PAH: variants seen among roughly 807,000 people sequenced by gnomAD.
PAH encodes phenylalanine-4-hydroxylase.
Under a neutral mutation model 62.0 loss-of-function variants are expected in PAH, and 64 were observed. The observed-to-expected ratio is 1.03, with a 90% CI of 0.84 to 1.27. The LOEUF is 1.27. PAH is among the 50% of genes most tolerant of loss of function. The pLI is 0.00. For missense variants in PAH, 579 were observed against 542.8 expected, an observed-to-expected ratio of 1.07 and a Z score of -0.66; for synonymous variants, 195 against 196.2, an observed-to-expected ratio of 0.99 and a Z score of 0.05.
rs894785612 is a variant in PAH at position 102,837,465 on chromosome 12, G to GA, written c.*1709dup. On this transcript the variant is annotated 3_prime_UTR_variant, in exon 13 of 13. Transcript: ENST00000553106. ...GTTTGGTGTTTAGAGTAAAAGCAGA[G>GA]AAAAAAGTCCTTTTTCACTTTTAAA... The GA allele has an allele frequency of 6.6e-6, 1 of 152,130 alleles. No homozygotes were observed. Among genetic ancestry groups the GA allele is most frequent in the Non-Finnish European group, 1.5e-5 (1 of 67,992 alleles). 9.4% of individuals were successfully genotyped at this position (152,130 alleles called of 1,614,324 possible). A position where few individuals can be genotyped will look rare whatever the true frequency, so the allele number is the denominator to read the frequency against.
chr12:102,871,922 CAAAAAAAAAAAA>C lies in PAH; in HGVS notation c.442-5271_442-5260del, dbSNP rs1168829038. On this transcript the variant is annotated intron_variant, in intron 4 of 12. Coordinates refer to ENST00000553106, the MANE Select transcript of PAH (RefSeq NM_000277.3). ...GGGTGACAAGAGCAAAACTCTGCCT[CAAAAAAAAAAAA>C]AAAAAAAAAAAAAAAATATATATAT... Among the ~76,000 whole-genome samples the C allele has an allele frequency of 2.1e-4, 24 of 115,474 alleles. 1 individual carries two copies. Among genetic ancestry groups the C allele is most frequent in the African/African-American group, 7.1e-4 (19 of 26,872 alleles). The allele number at this position is 115,474 out of a possible 152,430, so 75.8% of individuals were successfully genotyped here.
chr12:102,895,275 A>C (rs1280459844), intron 2 of PAH, among the ~76,000 whole-genome samples: 1 of 152,270 alleles, frequency 6.6e-6, no homozygotes, highest in South Asian at 2.1e-4. Context: ...TCCAAACGAA[A>C]TTCTATGGAA....
At chr12:102,948,147 C>T (rs2136772207) in intron 1 of PAH, among the ~76,000 whole-genome samples, 1 of 152,296 alleles carries the variant, frequency 6.6e-6, no homozygotes, top group African/African-American at 2.4e-5. Flanking sequence ...GTCACAAGGT[C>T]AGAGAGTGTA....
chr12:102,842,525 A>T (rs751741311), intron 11 of PAH, among the ~76,000 whole-genome samples: 19 of 152,130 alleles, frequency 1.2e-4, no homozygotes, highest in Admixed American at 5.9e-4. Context: ...TGTTAGCTGG[A>T]CCTGTCTTGT....
chr12:102,902,660 T>A (rs1338805608), intron 2 of PAH, among the ~76,000 whole-genome samples: 1 of 152,112 alleles, frequency 6.6e-6, no homozygotes, highest in Admixed American at 6.5e-5. Context: ...AAACCAGAAA[T>A]ATTCAAGAAA....
intron 9 of PAH, among the ~76,000 whole-genome samples, chr12:102,846,037 A>C (rs1384244592): frequency 6.6e-6 from 1 of 152,046 alleles, no homozygotes; most frequent in Non-Finnish European, 1.5e-5. Flanking sequence ...GCATTTAAAA[A>C]CCCATGTTCA....
chr12:102,890,018 C>T (rs1231341417), intron 3 of PAH, among the ~76,000 whole-genome samples: 1 of 152,208 alleles, frequency 6.6e-6, no homozygotes, highest in African/African-American at 2.4e-5. Flanking sequence ...ATTAAATTCA[C>T]ATCAGCTTCT....
At chr12:102,918,570 G>GT (rs71097955), upstream of PAH, among the ~76,000 whole-genome samples, 3,929 of 57,460 alleles carry the variant, frequency 0.068, 115 homozygotes, top group Non-Finnish European at 0.068. Context: ...GTTTTTTTTT[G>GT]TTTTTTTTTT....
chr12:102,864,805 C>CAAAAAA (rs3062691), intron 5 of PAH, among the ~76,000 whole-genome samples: 1 of 131,894 alleles, frequency 7.6e-6, no homozygotes, highest in Non-Finnish European at 1.6e-5. Context: ...ATAGAATCTG[C>CAAAAAA]AAAAAAAAAA....
intron 5 of PAH, among the ~76,000 whole-genome samples, chr12:102,859,273 G>A (rs1027216520): frequency 2.0e-5 from 3 of 152,076 alleles, no homozygotes; most frequent in African/African-American, 7.2e-5. Context: ...GACTAAACCA[G>A]GAAGAAGTTG....
At chr12:102,851,827 A>G (rs1875166947) in intron 7 of PAH, 71 bp from the exon 8 acceptor site, 1 of 1,118,714 alleles carries the variant, frequency 8.9e-7, no homozygotes, top group African/African-American at 1.5e-5. Context: ...GTCTTTCTAC[A>G]TGAGGAATGG....
At chr12:102,950,785 G>A (rs1879723757) in exon 1 of PAH, 1 of 152,196 alleles carries the variant, frequency 6.6e-6, no homozygotes, top group Non-Finnish European at 1.5e-5. Context: ...GCCCTTCCTC[G>A]CGGATGAGAC....
intron 4 of PAH, among the ~76,000 whole-genome samples, chr12:102,873,677 A>G (rs1876452057): frequency 6.6e-6 from 1 of 152,160 alleles, no homozygotes; most frequent in African/African-American, 2.4e-5. Flanking sequence ...AGTTATTATT[A>G]TATAATTATA....
intron 5 of PAH, among the ~76,000 whole-genome samples, chr12:102,857,557 T>G (rs1875496273): frequency 1.3e-5 from 2 of 152,082 alleles, no homozygotes; most frequent in Admixed American, 1.3e-4. Flanking sequence ...GAAAAAAATG[T>G]TAAGGGCAGC....
At chr12:102,958,142 C>T (rs1004389952) in intron 1 of PAH, 16 of 828,808 alleles carry the variant, frequency 1.9e-5, no homozygotes, top group Admixed American at 4.2e-5. Flanking sequence ...TTTTCTTTCC[C>T]TCTCTGTTCC....
chr12:102,838,158 G>A lies in PAH; in HGVS notation c.*1017C>T, dbSNP rs754407684. 12 of 152,218 alleles carry A rather than the reference G, an allele frequency of 7.9e-5. No individual in the cohort carries two copies. The highest frequency in any genetic ancestry group is 1.9e-4 in the East Asian group (1 of 5,174). 9.4% of individuals were successfully genotyped at this position (152,218 alleles called of 1,614,324 possible). On this transcript the variant is annotated 3_prime_UTR_variant, in exon 13 of 13. Transcript: ENST00000553106. ...ACACAATCAACAAAAGTCAAAGTCC[G>A]TTGACTGTCCAGGCATGACTTTGAG...
chr12:102,883,070 T>G (rs1049082820), intron 3 of PAH, among the ~76,000 whole-genome samples: 1 of 152,148 alleles, frequency 6.6e-6, no homozygotes, highest in Admixed American at 6.5e-5. Flanking sequence ...TTTCTAATCT[T>G]GGGCTTTAGT....
chr12:102,839,034 T>C lies in PAH; in HGVS notation c.*141A>G, dbSNP rs565281224. 1.1e-5 allele frequency: 8 copies of C among 733,160 alleles called. No homozygotes were observed. Among genetic ancestry groups the C allele is most frequent in the Non-Finnish European group, 1.9e-5 (8 of 415,742 alleles). The allele number at this position is 733,160 out of a possible 1,614,324, so 45.4% of individuals were successfully genotyped here. Reference sequence around the variant, plus strand: ...TGTCATTTCAGATTATTTTGACTTATTTGTTGTTTCTCCATCTTGTAAAGG... The same window carrying C: ...TGTCATTTCAGATTATTTTGACTTACTTGTTGTTTCTCCATCTTGTAAAGG... On this transcript the variant is annotated 3_prime_UTR_variant, in exon 13 of 13. Transcript: ENST00000553106.
chr12:102,887,513 C>T (rs534657193), intron 3 of PAH, among the ~76,000 whole-genome samples: 7 of 152,136 alleles, frequency 4.6e-5, no homozygotes, highest in South Asian at 4.2e-4. Context: ...TCTATGTCCA[C>T]GGAGCTGGTG....
Sources: allele counts gnomAD v4.1 joint callset (sites outside exome capture counted in the v4.1 genomes callset), GRCh38; gene constraint gnomAD v4.1.1; transcripts MANE v1.5; gene names NCBI Gene and HGNC (gene_info 2026-07-23, HGNC 2026-07-21).